The following NPAS3 variants were observed in gnomAD, a reference collection of about 807,000 sequenced individuals.
The protein encoded by NPAS3 is neuronal PAS domain protein 3.
A neutral mutation model predicts 73.1 loss-of-function variants in NPAS3; 14 were observed. That is an observed-to-expected ratio of 0.19 (90% CI 0.13 to 0.30). NPAS3 has a LOEUF of 0.30. NPAS3 is among the 10% of genes least tolerant of loss of function. The pLI is 1.00. For synonymous variants in NPAS3, 620 were observed against 541.5 expected (o/e 1.14, Z -2.01); for missense variants, 1,096 against 1,250.0 (o/e 0.88, Z 1.86).
intron 2 of NPAS3, among the ~76,000 whole-genome samples, chr14:33,137,858 A>T (rs1366162874): frequency 6.6e-6 from 1 of 152,174 alleles, no homozygotes; most frequent in Admixed American, 6.5e-5. Flanking sequence ...CTAGATTTAA[A>T]TATGGAATTC....
intron 4 of NPAS3, among the ~76,000 whole-genome samples, chr14:33,488,069 G>A (rs778528139): frequency 2.0e-5 from 3 of 152,122 alleles, no homozygotes; most frequent in Non-Finnish European, 4.4e-5. Context: ...AAGGGGCTGG[G>A]ATAGGCTCAA....
At chr14:33,020,695 A>G (rs1458637166) in intron 1 of NPAS3, among the ~76,000 whole-genome samples, 1 of 151,984 alleles carries the variant, frequency 6.6e-6, no homozygotes, top group African/African-American at 2.4e-5. Context: ...CCAATCTTTA[A>G]AAAATATTGG....
chr14:33,316,293 G>A (rs1043688951), intron 3 of NPAS3, among the ~76,000 whole-genome samples: 11 of 152,078 alleles, frequency 7.2e-5, no homozygotes, highest in African/African-American at 2.7e-4. Flanking sequence ...GTGGGCTTCT[G>A]TATTGAATTC....
chr14:33,755,342 A>G lies in NPAS3; in HGVS notation c.853-18995A>G, dbSNP rs369710503. Among the ~76,000 whole-genome samples, 10 of 152,236 alleles carry G rather than the reference A, an allele frequency of 6.6e-5. No individual in the cohort carries two copies. In the South Asian group the frequency reaches 2.1e-3, roughly 32 times the overall value. ...TAATTGACCTCCTCATTTTATTTCT[A>G]TTATTGGTACATTTATTTTTGTGAA... is the stretch of plus-strand genomic sequence containing the variant. On this transcript the variant is annotated intron_variant, in intron 7 of 11. Transcript: ENST00000356141.
intron 2 of NPAS3, among the ~76,000 whole-genome samples, chr14:33,094,016 T>C (rs1397643382): frequency 6.6e-6 from 1 of 151,886 alleles, no homozygotes; most frequent in Non-Finnish European, 1.5e-5. Context: ...ATACCTAATG[T>C]AAATGACAGT....
At chr14:33,134,902 T>A (rs935536948) in intron 2 of NPAS3, among the ~76,000 whole-genome samples, 1 of 152,032 alleles carries the variant, frequency 6.6e-6, no homozygotes, top group African/African-American at 2.4e-5. Flanking sequence ...GGAGAGGCAT[T>A]CACAGGTATA....
rs34527893 is a variant in NPAS3, at chr14:33,636,903, GCA to G, written c.559-39285_559-39284del. On this transcript the variant is annotated intron_variant, in intron 5 of 11. Coordinates refer to ENST00000356141, the Ensembl canonical transcript of NPAS3. ...AGCAGGAGGAGGACACTCGGAGTGT[GCA>G]CACACACACACACACACACACAGAG... is the stretch of plus-strand genomic sequence containing the variant. Among the ~76,000 whole-genome samples, 1,214 of 148,836 alleles carry G rather than the reference GCA, an allele frequency of 8.2e-3. 14 individuals are homozygous for G. Among genetic ancestry groups the G allele is most frequent in the Middle Eastern group, 0.032 (9 of 284 alleles).
intron 7 of NPAS3, among the ~76,000 whole-genome samples, chr14:33,746,720 A>G (rs763983207): frequency 2.1e-4 from 32 of 152,142 alleles, no homozygotes; most frequent in Non-Finnish European, 4.3e-4. Flanking sequence ...AAGAATAAAC[A>G]GTAGGTGAAA....
chr14:33,258,324 C>T (rs565114021), intron 3 of NPAS3, among the ~76,000 whole-genome samples: 47 of 152,202 alleles, frequency 3.1e-4, no homozygotes, highest in African/African-American at 1.1e-3. Flanking sequence ...ATTGCTTGAA[C>T]CTGGGCGGTG....
At chr14:33,212,796 A>G (rs781652477) in intron 2 of NPAS3, among the ~76,000 whole-genome samples, 1 of 152,202 alleles carries the variant, frequency 6.6e-6, no homozygotes, top group Non-Finnish European at 1.5e-5. Context: ...GGTATATTAC[A>G]TAAGTAACAA....
intron 2 of NPAS3, among the ~76,000 whole-genome samples, chr14:33,151,375 C>T (rs939142486): frequency 1.1e-4 from 16 of 152,194 alleles, no homozygotes; most frequent in African/African-American, 3.1e-4. Flanking sequence ...TAAATGTCAA[C>T]GCACAAAAGA....
intron 3 of NPAS3, among the ~76,000 whole-genome samples, chr14:33,345,257 T>C (rs2044672775): frequency 6.6e-6 from 1 of 152,106 alleles, no homozygotes; most frequent in Non-Finnish European, 1.5e-5. Context: ...TTTTATATAA[T>C]GAAACTTGCC....
rs767741348 is a variant in NPAS3 at position 33,479,727 on chromosome 14, G to A, written c.469-80394G>A. On this transcript the variant is annotated intron_variant, in intron 4 of 11. Transcript: ENST00000356141. ...TCAATATTTCTTGATCTCCAATTTT[G>A]TGCAAAACTCCTCTTGTGCTTAACC... Among the ~76,000 whole-genome samples the A allele has an allele frequency of 8.6e-4, 131 of 151,886 alleles. 1 individual carries two copies. The highest frequency in any genetic ancestry group is 1.5e-3 in the Non-Finnish European group (103 of 68,008).
At chr14:33,113,423 T>C (rs2042961299) in intron 2 of NPAS3, among the ~76,000 whole-genome samples, 1 of 152,180 alleles carries the variant, frequency 6.6e-6, no homozygotes. Flanking sequence ...TTATTCTCTT[T>C]GAAGCAATTG....
intron 2 of NPAS3, among the ~76,000 whole-genome samples, chr14:33,197,421 T>A (rs1032293062): frequency 3.9e-5 from 6 of 151,934 alleles, no homozygotes; most frequent in Non-Finnish European, 8.8e-5. Context: ...TCATTAAGCA[T>A]CAGACACTGC....
intron 2 of NPAS3, among the ~76,000 whole-genome samples, chr14:33,197,777 T>G (rs368530073): frequency 1.3e-5 from 2 of 152,250 alleles, no homozygotes; most frequent in South Asian, 4.1e-4. Flanking sequence ...CCTGCCATCT[T>G]GAATCCTTTC....
intron 5 of NPAS3, among the ~76,000 whole-genome samples, chr14:33,571,200 T>A (rs2056194838): frequency 6.6e-6 from 1 of 152,206 alleles, no homozygotes; most frequent in African/African-American, 2.4e-5. Flanking sequence ...GAGACCTGGT[T>A]CTGGTCTTGC....
intron 5 of NPAS3, among the ~76,000 whole-genome samples, chr14:33,653,681 A>G (rs904644650): frequency 6.6e-6 from 1 of 152,202 alleles, no homozygotes; most frequent in Non-Finnish European, 1.5e-5. Context: ...ACTGCCAAGG[A>G]CTCACAATCG....
At chr14:33,595,492 T>C (rs1346010074) in intron 5 of NPAS3, among the ~76,000 whole-genome samples, 1 of 152,310 alleles carries the variant, frequency 6.6e-6, no homozygotes, top group Non-Finnish European at 1.5e-5. Context: ...TAAAATGCTG[T>C]GAAATTCAAA....
Sources: gnomAD v4.1 joint callset for allele counts (sites outside exome capture counted in the v4.1 genomes callset) on GRCh38, gnomAD v4.1.1 for gene constraint, MANE v1.5 for transcripts, NCBI Gene and HGNC (gene_info 2026-07-23, HGNC 2026-07-21) for gene names.